Variants in KDM6A observed in about 807,000 individuals in gnomAD.
KDM6A encodes the protein lysine demethylase 6A.
In KDM6A, 11 loss-of-function variants were observed where a neutral mutation model predicts 117.6. That is an observed-to-expected ratio of 0.09 (90% CI 0.06 to 0.15). The LOEUF is 0.15. Ranked by LOEUF, KDM6A falls within the 10% of genes least tolerant of loss-of-function variation. KDM6A has a pLI of 1.00. For synonymous variants in KDM6A, 384 were observed against 396.1 expected, an observed-to-expected ratio of 0.97 and a Z score of 0.36; for missense variants, 799 against 1,077.3, an observed-to-expected ratio of 0.74 and a Z score of 3.62.
intron 24 of KDM6A, among the ~76,000 whole-genome samples, chrX:45,083,992 GT>G (rs1032889633): frequency 5.4e-5 from 6 of 111,902 alleles, no homozygotes; most frequent in African/African-American, 2.0e-4. Flanking sequence ...GCACATGTAT[GT>G]ATACAGCAGC....
At chrX:45,094,687 G>A (rs1452221994) in intron 27 of KDM6A, among the ~76,000 whole-genome samples, 1 of 111,701 alleles carries the variant, frequency 9.0e-6, no homozygotes, top group Admixed American at 9.5e-5. Context: ...TAGAGGAATA[G>A]CAAATGTATA....
chrX:44,899,334 T>C (rs1397265502), intron 2 of KDM6A, among the ~76,000 whole-genome samples: 1 of 106,595 alleles, frequency 9.4e-6, no homozygotes, highest in Non-Finnish European at 1.9e-5. Flanking sequence ...GCTTACTCTT[T>C]TACCTGCTTC....
chrX:45,020,786 T>C, intron 6 of KDM6A, 56 bp downstream of exon 6: 1 of 1,159,938 alleles, frequency 8.6e-7, no homozygotes. Context: ...TTTTTTGTTT[T>C]TGTTTTTCTT....
rs760022776 is a variant in KDM6A at position 44,957,424 on chromosome X, A to T, written c.226-3860A>T. Among the ~76,000 whole-genome samples the T allele has an allele frequency of 2.7e-5, 3 of 112,504 alleles. 1 individual carries two copies. In the South Asian group the frequency reaches 1.1e-3, roughly 41 times the overall value. On this transcript the variant is annotated intron_variant, in intron 2 of 29. Coordinates refer to ENST00000611820, the MANE Select transcript of KDM6A (RefSeq NM_001291415.2). ...TACTGCACATGAAAAAAATTAAATT[A>T]GTTACATGTCTGTGTTCACAAGCTC...
chrX:44,943,403 C>T (rs1332666226), intron 2 of KDM6A, among the ~76,000 whole-genome samples: 4 of 111,949 alleles, frequency 3.6e-5, no homozygotes, highest in African/African-American at 1.3e-4. Flanking sequence ...TAAGCACATG[C>T]TGTTGGAAAA....
At chrX:44,899,849 T>C (rs947895371) in intron 2 of KDM6A, among the ~76,000 whole-genome samples, 3 of 111,741 alleles carry the variant, frequency 2.7e-5, no homozygotes, top group African/African-American at 9.8e-5. Flanking sequence ...ATGAAAGTTT[T>C]GTCTAAAGAT....
chrX:45,065,321 A>G (rs1381490052), intron 17 of KDM6A, among the ~76,000 whole-genome samples: 2 of 111,678 alleles, frequency 1.8e-5, no homozygotes, highest in Non-Finnish European at 3.8e-5. Context: ...AGAGAGAGAA[A>G]TGTGCTCCAG....
chrX:45,037,326 CTT>C (rs907776107), intron 7 of KDM6A, among the ~76,000 whole-genome samples: 1 of 111,801 alleles, frequency 8.9e-6, no homozygotes, highest in Non-Finnish European at 1.9e-5. Flanking sequence ...GGTTTTCTCT[CTT>C]TGCTTAATGT....
chrX:44,980,389 T>A (rs1350593731), intron 4 of KDM6A, among the ~76,000 whole-genome samples: 1 of 111,136 alleles, frequency 9.0e-6, no homozygotes, highest in African/African-American at 3.3e-5. Flanking sequence ...TAATTCAGTA[T>A]AATTCTGCTA....
At chrX:45,059,154 G>T in intron 11 of KDM6A, 50 bp downstream of exon 11, 2 of 1,173,533 alleles carry the variant, frequency 1.7e-6, no homozygotes, top group Non-Finnish European at 2.3e-6. Flanking sequence ...TACAAAGATG[G>T]TTGCATCACA....
intron 2 of KDM6A, among the ~76,000 whole-genome samples, chrX:44,887,796 A>G (rs768944636): frequency 9.0e-6 from 1 of 111,322 alleles, no homozygotes; most frequent in East Asian, 2.8e-4. Context: ...TGAGGCCAAG[A>G]GTTCAGGACC....
chrX:45,109,337 T>G (rs1250426050), intron 28 of KDM6A, among the ~76,000 whole-genome samples: 1 of 111,220 alleles, frequency 9.0e-6, no homozygotes, highest in Non-Finnish European at 1.9e-5. Context: ...TCACCAATTT[T>G]CTAGCTCAGG....
chrX:45,055,297 T>C (rs998450813), intron 10 of KDM6A, among the ~76,000 whole-genome samples: 1 of 110,986 alleles, frequency 9.0e-6, no homozygotes, highest in Non-Finnish European at 1.9e-5. Context: ...TAATGTAATA[T>C]TACTTTAATT....
chrX:45,072,479 T>C (rs1456746798), intron 18 of KDM6A, among the ~76,000 whole-genome samples: 1 of 110,788 alleles, frequency 9.0e-6, no homozygotes, highest in Non-Finnish European at 1.9e-5. Flanking sequence ...ACTCTGGGCC[T>C]ACAGAAAATA....
At chrX:45,088,426 T>C (rs1046395000) in intron 25 of KDM6A, among the ~76,000 whole-genome samples, 2 of 113,418 alleles carry the variant, frequency 1.8e-5, no homozygotes, top group Admixed American at 1.8e-4. Flanking sequence ...GTCACAACTG[T>C]GTCATTATAG....
At chrX:45,063,177 ATT>A (rs1181828478) in intron 16 of KDM6A, among the ~76,000 whole-genome samples, 1 of 104,532 alleles carries the variant, frequency 9.6e-6, no homozygotes, top group African/African-American at 3.5e-5. Flanking sequence ...TACTAATGGG[ATT>A]TTTTTTTTTT....
intron 4 of KDM6A, among the ~76,000 whole-genome samples, chrX:44,999,061 T>A (rs2041007503): frequency 8.9e-6 from 1 of 111,922 alleles, no homozygotes. Context: ...CTCATGCCTC[T>A]AATTCCAGTA....
chrX:44,956,901 G>A (rs906956384), intron 2 of KDM6A, among the ~76,000 whole-genome samples: 6 of 110,446 alleles, frequency 5.4e-5, no homozygotes, highest in Non-Finnish European at 1.1e-4. Context: ...AGGCTGAGGC[G>A]GGCGGATCAC....
rs1459042930 is a variant in KDM6A at position 45,063,450 on chromosome X, G to A, written c.1712G>A (p.Arg571Gln). 4.1e-6 allele frequency: 5 copies of A among 1,205,031 alleles called. No individual in the cohort carries two copies. The highest frequency in any genetic ancestry group is 2.2e-5 in the Admixed American group (1 of 45,599). ...AGACCAACAGGAGTTGCACAGGTAC[G>A]ATCTACTGGAATTCCTAATGGGCCA... ...QMRPTGVAQV[R>Q]STGIPNGPTA... Residue 571 changes from arginine to glutamine, a missense_variant, in exon 17 of 30, where the codon CGA becomes CAA. Arg to Gln is a conservative substitution (Grantham distance 43). Transcript: ENST00000611820.
Sources: gnomAD v4.1 joint callset for allele counts (sites outside exome capture counted in the v4.1 genomes callset) on GRCh38, gnomAD v4.1.1 for gene constraint, MANE v1.5 for transcripts, NCBI Gene and HGNC (gene_info 2026-07-23, HGNC 2026-07-21) for gene names.